FBXO41: variants seen among roughly 807,000 people sequenced by gnomAD.
FBXO41 encodes F-box only protein 41.
Under a neutral mutation model 81.6 loss-of-function variants are expected in FBXO41, and 33 were observed. The ratio of observed to expected loss-of-function variants is 0.40; its 90% confidence interval spans 0.31 to 0.54. The LOEUF is 0.54. FBXO41 is among the 20% of genes least tolerant of loss of function. The probability of loss-of-function intolerance (pLI) is 0.39; values close to 1 mark genes in which losing one functional copy is unlikely to be tolerated. For missense variants in FBXO41, 1,107 were observed against 1,236.0 expected (o/e 0.90, Z 1.56); for synonymous variants, 576 against 552.7 (o/e 1.04, Z -0.59).
rs1316754800 is a variant in FBXO41 at position 73,284,114 on chromosome 2, C to T, written c.-139+46G>A. 2.0e-5 allele frequency: 3 copies of T among 152,348 alleles called. No homozygotes were observed. The highest frequency in any genetic ancestry group is 7.2e-5 in the African/African-American group (3 of 41,480). 9.4% of individuals were successfully genotyped at this position (152,348 alleles called of 1,614,324 possible). A position where few individuals can be genotyped will look rare whatever the true frequency, so the allele number is the denominator to read the frequency against. On this transcript the variant is annotated intron_variant, in intron 1 of 12. Coordinates refer to ENST00000520530, the MANE Select transcript of FBXO41 (RefSeq NM_001371389.2). This position sits in a 1 kb window ranked among gnomAD's most constrained non-coding sequence, Gnocchi z 7.4. ...ACAGTGGCTGGGGTCCTCCCTCCTT[C>T]CCTCTCCGGGAGCAGTCCCGCAGCG... is the stretch of plus-strand genomic sequence containing the variant.
intron 9 of FBXO41, among the ~76,000 whole-genome samples, chr2:73,262,735 T>TTATC (rs1239618213): frequency 4.0e-5 from 6 of 151,764 alleles, no homozygotes; most frequent in African/African-American, 2.4e-5. Context: ...CTGATTTTAT[T>TTATC]TATCTATTTA....
chr2:73,261,338 G>A (rs1158219284), intron 9 of FBXO41, among the ~76,000 whole-genome samples: 3 of 152,096 alleles, frequency 2.0e-5, no homozygotes, highest in African/African-American at 7.2e-5. Context: ...GATTACAGGT[G>A]TGAGCCACTG....
At position 73,259,170 on chromosome 2, in the gene FBXO41, T is replaced by C; in HGVS notation, c.2565+11A>G. ...TTGGGGTCTTGGACAGCCTCAGAGC[T>C]GACCCCTCACCTGGAGTTTTGTCAC... On this transcript the variant is annotated intron_variant, in intron 12 of 12. Coordinates refer to ENST00000520530, the MANE Select transcript of FBXO41 (RefSeq NM_001371389.2). This position sits in a 1 kb window ranked among gnomAD's most constrained non-coding sequence, Gnocchi z 4.2. 1 of 1,613,890 alleles carries C rather than the reference T, an allele frequency of 6.2e-7. No homozygotes were observed. Among genetic ancestry groups the C allele is most frequent in the Non-Finnish European group, 8.5e-7 (1 of 1,179,744 alleles).
chr2:73,265,705 T>C, intron 4 of FBXO41, 65 bp from the exon 5 acceptor site: 1 of 1,449,174 alleles, frequency 6.9e-7, no homozygotes, highest in Non-Finnish European at 9.2e-7. Context: ...CTCCCCATCC[T>C]GCCCCTACCA....
Position 73,263,949 on chromosome 2 carries a change from G to C in FBXO41, c.1911C>G (p.Ala637=). The C allele has an allele frequency of 1.9e-6, 3 of 1,610,614 alleles. No homozygotes were observed. Among genetic ancestry groups the C allele is most frequent in the Non-Finnish European group, 2.5e-6 (3 of 1,178,348 alleles). The change falls in exon 7 of 13, where the codon GCC becomes GCG. Residue 637 remains alanine, a synonymous_variant. Transcript: ENST00000520530. ...RGKKESKEEY[A]RSTRGCLEAG... ...ATCGCAGGCCTCACCGGGTGCTCCG[G>C]GCATACTCCTCCTTGCTCTCCTTCT...
At chr2:73,265,689 C>T (rs1177674030) in intron 4 of FBXO41, 49 bp from the exon 5 acceptor site, 9 of 1,453,998 alleles carry the variant, frequency 6.2e-6, no homozygotes, top group South Asian at 1.4e-5. Context: ...ACCAGGCCTA[C>T]CCAAACTCCC....
chr2:73,281,095 T>C lies in FBXO41; in HGVS notation c.-139+3065A>G, dbSNP rs887742946. The stretch of plus-strand genomic sequence containing the variant: ...TTTGCTCTAGCTGAGCTCTTAGGCT[T>C]AGGGCTTGTCTGCTTCATTCCATTT... On this transcript the variant is annotated intron_variant, in intron 1 of 12. Transcript: ENST00000520530. 7.9e-5 allele frequency among the ~76,000 whole-genome samples: 12 copies of C among 152,298 alleles called. No individual in the cohort carries two copies. In the East Asian group the frequency reaches 2.3e-3, roughly 29 times the overall value.
At chr2:73,271,160 C>A in intron 1 of FBXO41, 1 of 346,772 alleles carries the variant, frequency 2.9e-6, no homozygotes, top group Non-Finnish European at 5.7e-6. Context: ...ACTTCTCCAT[C>A]CTGACCTGCC....
intron 1 of FBXO41, among the ~76,000 whole-genome samples, chr2:73,278,916 A>T (rs1043301740): frequency 6.6e-6 from 1 of 152,212 alleles, no homozygotes; most frequent in Non-Finnish European, 1.5e-5. Flanking sequence ...CACTTCTAAC[A>T]GTGCCTGGCA....
intron 1 of FBXO41, among the ~76,000 whole-genome samples, chr2:73,270,522 C>T (rs1688461140): frequency 6.6e-6 from 1 of 152,144 alleles, no homozygotes; most frequent in Non-Finnish European, 1.5e-5. Context: ...TCGCATGTGT[C>T]GCTGTTTGTT....
In FBXO41 at chr2:73,263,111, T is replaced by G. The variant is rs76675731; in HGVS notation, c.2171+102A>C. ...GGACAGATTAATGTGTGTGGATCTGTCCTAATAGCTTGTGGAATGGGCTCA... is the reference window on the plus strand; with the variant it reads ...GGACAGATTAATGTGTGTGGATCTGGCCTAATAGCTTGTGGAATGGGCTCA... On this transcript the variant is annotated intron_variant, in intron 9 of 12. Coordinates refer to ENST00000520530, the MANE Select transcript of FBXO41 (RefSeq NM_001371389.2). 5,280 of 898,488 alleles carry G rather than the reference T, an allele frequency of 5.9e-3. 165 individuals are homozygous for G. The African/African-American group carries it at 0.071, about 12-fold the overall frequency. 55.7% of individuals were successfully genotyped at this position (898,488 alleles called of 1,614,324 possible).
chr2:73,278,616 A>T (rs1006710991), intron 1 of FBXO41, among the ~76,000 whole-genome samples: 1 of 152,172 alleles, frequency 6.6e-6, no homozygotes, highest in African/African-American at 2.4e-5. Context: ...TGAAATAAAC[A>T]TTATGCAAGA....
chr2:73,282,969 C>G (rs868175446), intron 1 of FBXO41, among the ~76,000 whole-genome samples: 1 of 152,172 alleles, frequency 6.6e-6, no homozygotes, highest in Admixed American at 6.5e-5. Flanking sequence ...CCCTCTCTTT[C>G]CATATAAAAT....
intron 1 of FBXO41, among the ~76,000 whole-genome samples, chr2:73,281,466 G>T (rs1414106021): frequency 1.3e-5 from 2 of 152,216 alleles, no homozygotes; most frequent in Non-Finnish European, 2.9e-5. Context: ...CTGACTCAGG[G>T]ATTGGCCATG....
Position 73,266,832 on chromosome 2 carries a change from C to A in FBXO41, c.906-150G>T. Reference sequence around the variant, plus strand: ...ATGGGTTCCTGCAGAACAGGCCTAGCACACAGCCCCGCACGATGACACATA... The same window carrying A: ...ATGGGTTCCTGCAGAACAGGCCTAGAACACAGCCCCGCACGATGACACATA... On this transcript the variant is annotated intron_variant, in intron 2 of 12. Coordinates refer to ENST00000520530, the MANE Select transcript of FBXO41 (RefSeq NM_001371389.2). This position sits in a 1 kb window ranked among gnomAD's most constrained non-coding sequence, Gnocchi z 5.3. 8.0e-7 allele frequency: 1 copy of A among 1,253,554 alleles called. No individual in the cohort carries two copies. The highest frequency in any genetic ancestry group is 3.0e-5 in the East Asian group (1 of 33,082). The allele number at this position is 1,253,554 out of a possible 1,614,324, so 77.7% of individuals were successfully genotyped here. A position where few individuals can be genotyped will look rare whatever the true frequency, so the allele number is the denominator to read the frequency against.
At position 73,260,992 on chromosome 2, in the gene FBXO41, A is replaced by C. The variant is rs1688003982; in HGVS notation, c.2172-134T>G. The C allele has an allele frequency of 1.5e-6, 1 of 673,738 alleles. No homozygotes were observed. The highest frequency in any genetic ancestry group is 2.5e-6 in the Non-Finnish European group (1 of 398,290). The allele number at this position is 673,738 out of a possible 1,614,324, so 41.7% of individuals were successfully genotyped here. A position where few individuals can be genotyped will look rare whatever the true frequency, so the allele number is the denominator to read the frequency against. On this transcript the variant is annotated intron_variant, in intron 9 of 12. Transcript: ENST00000520530. The surrounding 1 kb of genome is among the most constrained non-coding windows in gnomAD (Gnocchi z 5.0). ...ACCCAGCAGGTCAAGTCAGAGAACC[A>C]GGATCATCCCTGACTCCTCTGCCCT...
Position 73,257,286 on chromosome 2 carries a change from G to A in FBXO41, c.*1696C>T. 6.5e-6 allele frequency: 1 copy of A among 152,952 alleles called. No individual in the cohort carries two copies. The highest frequency in any genetic ancestry group is 1.5e-5 in the Non-Finnish European group (1 of 68,530). The allele number at this position is 152,952 out of a possible 1,614,324, so 9.5% of individuals were successfully genotyped here. ...CCTTGGTATTTTAGGTTTTCAAAGG[G>A]CAGGGACAGAATGAGCCACAGGAGG... On this transcript the variant is annotated 3_prime_UTR_variant, in exon 13 of 13. Transcript: ENST00000520530. This position sits in a 1 kb window ranked among gnomAD's most constrained non-coding sequence, Gnocchi z 4.6.
chr2:73,265,494 G>A lies in FBXO41; in HGVS notation c.1352C>T (p.Ser451Leu), dbSNP rs1558584321. ...GTRAQAANGGSERSQPPRSSG... is the reference protein window; with the variant it reads ...GTRAQAANGGLERSQPPRSSG... The stretch of plus-strand genomic sequence containing the variant: ...GCTGCGAGGGGGCTGGGACCGCTCT[G>A]AGCCCCCGTTGGCAGCCTGGGCCCG... Residue 451 changes from serine (S) to leucine (L), a missense_variant, in exon 5 of 13, where the codon TCA becomes TTA. By Grantham distance (145) the Ser-to-Leu change is moderately radical. Coordinates refer to ENST00000520530, the MANE Select transcript of FBXO41 (RefSeq NM_001371389.2). 6.3e-7 allele frequency: 1 copy of A among 1,598,408 alleles called. No homozygotes were observed. The highest frequency in any genetic ancestry group is 8.5e-7 in the Non-Finnish European group (1 of 1,175,790).
intron 9 of FBXO41, among the ~76,000 whole-genome samples, chr2:73,262,369 C>G (rs1204853543): frequency 6.6e-6 from 1 of 152,184 alleles, no homozygotes; most frequent in Non-Finnish European, 1.5e-5. Context: ...CTGGGAGGAG[C>G]TGTCGCGTGG....
Sources: allele counts gnomAD v4.1 joint callset (sites outside exome capture counted in the v4.1 genomes callset), GRCh38; gene constraint gnomAD v4.1.1; non-coding constraint Gnocchi (gnomAD v3.1); transcripts MANE v1.5; gene names NCBI Gene and HGNC (gene_info 2026-07-23, HGNC 2026-07-21).